The following CACNG4 variants were observed in gnomAD, a reference collection of about 807,000 sequenced individuals.
The protein encoded by CACNG4 is calcium voltage-gated channel auxiliary subunit gamma 4.
A neutral mutation model predicts 22.9 loss-of-function variants in CACNG4; 8 were observed. The ratio of observed to expected loss-of-function variants is 0.35; its 90% CI spans 0.21 to 0.63. The LOEUF (loss-of-function observed/expected upper bound fraction) is 0.63. Among genes scored for constraint, CACNG4 ranks in the 30% least tolerant of loss-of-function variants. CACNG4 has a pLI of 0.72. For synonymous variants in CACNG4, 188 were observed against 191.9 expected (o/e 0.98, Z 0.17); for missense variants, 357 against 455.4 (o/e 0.78, Z 1.97).
intron 3 of CACNG4, among the ~76,000 whole-genome samples, chr17:67,029,921 C>A (rs1313858502): frequency 6.6e-6 from 1 of 152,238 alleles, no homozygotes; most frequent in East Asian, 1.9e-4. Context: ...ACATGTGAGG[C>A]TGTAGACACA....
At chr17:67,021,062 G>A (rs922799918) in intron 2 of CACNG4, among the ~76,000 whole-genome samples, 1 of 152,182 alleles carries the variant, frequency 6.6e-6, no homozygotes, top group Admixed American at 6.5e-5. Context: ...TTAGCCAGAA[G>A]TGATGGCACA....
At chr17:66,992,604 C>T (rs2035347963) in intron 1 of CACNG4, among the ~76,000 whole-genome samples, 1 of 152,186 alleles carries the variant, frequency 6.6e-6, no homozygotes, top group African/African-American at 2.4e-5. Flanking sequence ...CATGTGGGCC[C>T]CTTCGAGGCA....
chr17:67,004,132 A>G (rs1567755674), intron 1 of CACNG4, among the ~76,000 whole-genome samples: 2 of 152,246 alleles, frequency 1.3e-5, no homozygotes, highest in Admixed American at 6.5e-5. Context: ...AAAGAAAGAA[A>G]GAAATGAAGA....
chr17:67,005,113 G>T (rs2035429986), intron 1 of CACNG4, among the ~76,000 whole-genome samples: 1 of 152,194 alleles, frequency 6.6e-6, no homozygotes, highest in Admixed American at 6.5e-5. Context: ...GAAAGAGGCA[G>T]GAGCCTCCAT....
At chr17:66,965,677 T>C (rs2035165439) in intron 1 of CACNG4, among the ~76,000 whole-genome samples, 1 of 132,694 alleles carries the variant, frequency 7.5e-6, no homozygotes, top group African/African-American at 2.9e-5. Flanking sequence ...GGGCGCTTTC[T>C]ACAGGCTCGG....
chr17:66,965,530 G>T (rs2035164101), intron 1 of CACNG4, among the ~76,000 whole-genome samples: 1 of 151,130 alleles, frequency 6.6e-6, no homozygotes, highest in South Asian at 2.1e-4. Flanking sequence ...TGGCGAGGGG[G>T]CGGGAGGAGG....
At chr17:67,022,227 A>G (rs1002951543) in intron 2 of CACNG4, among the ~76,000 whole-genome samples, 3 of 152,122 alleles carry the variant, frequency 2.0e-5, no homozygotes, top group Non-Finnish European at 4.4e-5. Flanking sequence ...GGCACTCGCC[A>G]CTATACCCAG....
In CACNG4 at chr17:67,030,752, G is replaced by C. The variant is rs780374055; in HGVS notation, c.732G>C (p.Arg244Ser). The C allele has an allele frequency of 1.9e-6, 3 of 1,614,194 alleles. No individual in the cohort carries two copies. The South Asian group carries it at 3.3e-5, about 18-fold the overall frequency. The change falls in exon 4 of 4, where the codon AGG becomes AGC. Residue 244 changes from arginine (R) to serine (S), a missense_variant. Transcript: ENST00000262138. This position sits in a 1 kb window ranked among gnomAD's most constrained non-coding sequence, Gnocchi z 6.4. Reference protein sequence around the residue: ...PSYRYRRRRSRSSSRSTEASP... With the variant: ...PSYRYRRRRSSSSSRSTEASP... Reference sequence around the variant, plus strand: ...ACAGGTACCGGCGACGGCGCTCGAGGTCCAGCTCAAGGTCCACCGAGGCCT... The same window carrying C: ...ACAGGTACCGGCGACGGCGCTCGAGCTCCAGCTCAAGGTCCACCGAGGCCT...
intron 1 of CACNG4, among the ~76,000 whole-genome samples, chr17:66,993,024 C>T (rs2035350848): frequency 6.6e-6 from 1 of 152,268 alleles, no homozygotes. Context: ...GTGTCTACAG[C>T]AGCTGGCCCG....
chr17:67,029,354 G>T (rs1186456540), intron 3 of CACNG4, among the ~76,000 whole-genome samples: 1 of 151,374 alleles, frequency 6.6e-6, no homozygotes, highest in Non-Finnish European at 1.5e-5. Context: ...AAACGAGGCC[G>T]GGTGTGGTGG....
intron 1 of CACNG4, among the ~76,000 whole-genome samples, chr17:67,017,833 A>G (rs1248942766): frequency 6.6e-6 from 1 of 151,908 alleles, no homozygotes; most frequent in Non-Finnish European, 1.5e-5. Flanking sequence ...TATTTTTTTC[A>G]AGATGCGGCT....
At chr17:67,006,702 C>T (rs959404382) in intron 1 of CACNG4, among the ~76,000 whole-genome samples, 1 of 152,192 alleles carries the variant, frequency 6.6e-6, no homozygotes, top group African/African-American at 2.4e-5. Flanking sequence ...CTCACCTCCC[C>T]AGCTAGGTCA....
At chr17:66,992,163 G>A (rs368283631) in intron 1 of CACNG4, among the ~76,000 whole-genome samples, 3 of 134,940 alleles carry the variant, frequency 2.2e-5, no homozygotes, top group Non-Finnish European at 4.6e-5. Context: ...AAGCTCCTGG[G>A]GGGGGGGGGC....
In CACNG4 at chr17:67,032,396, AATTGTTTCT is replaced by A; in HGVS notation, c.*1393_*1401del. On this transcript the variant is annotated 3_prime_UTR_variant, in exon 4 of 4. Transcript: ENST00000262138. The stretch of plus-strand genomic sequence containing the variant: ...ATAAAACATGTGCTTTCTAAAGAAA[AATTGTTTCT>A]TATTTTTTGAGACTCCTTGATCCAC... The A allele has an allele frequency of 5.1e-6, 1 of 196,286 alleles. No individual in the cohort carries two copies. Among genetic ancestry groups the A allele is most frequent in the East Asian group, 1.3e-4 (1 of 7,656 alleles). 12.2% of individuals were successfully genotyped at this position (196,286 alleles called of 1,614,324 possible).
chr17:67,029,153 G>A (rs2035585860), intron 3 of CACNG4, among the ~76,000 whole-genome samples: 1 of 151,848 alleles, frequency 6.6e-6, no homozygotes, highest in African/African-American at 2.4e-5. Flanking sequence ...GCCACATGGT[G>A]AAACCCTGTC....
In CACNG4 at chr17:67,013,803, CA is replaced by C. The variant is rs35707136; in HGVS notation, c.221-4374del. On this transcript the variant is annotated intron_variant, in intron 1 of 3. Transcript: ENST00000262138. The stretch of plus-strand genomic sequence containing the variant: ...CTGGGTCACAGAGTGAGACTTGTCT[CA>C]AAAAAAAAAAAGAAATATTCTTTTA... Among the ~76,000 whole-genome samples, 133 of 140,768 alleles carry C rather than the reference CA, an allele frequency of 9.4e-4. 1 individual carries two copies. Among genetic ancestry groups the C allele is most frequent in the South Asian group, 4.5e-3 (20 of 4,412 alleles). The allele number at this position is 140,768 out of a possible 152,430, so 92.3% of individuals were successfully genotyped here.
intron 1 of CACNG4, among the ~76,000 whole-genome samples, chr17:66,990,840 C>A (rs1222275919): frequency 6.6e-6 from 1 of 151,864 alleles, no homozygotes; most frequent in African/African-American, 2.4e-5. Flanking sequence ...GCCACCATGC[C>A]CGGCTAATTT....
At chr17:67,002,916 A>G (rs745985308) in intron 1 of CACNG4, among the ~76,000 whole-genome samples, 3 of 152,198 alleles carry the variant, frequency 2.0e-5, no homozygotes, top group Non-Finnish European at 4.4e-5. Flanking sequence ...TTATTAGTCC[A>G]TTAGTCATGA....
At position 67,024,787 on chromosome 17, in the gene CACNG4, C is replaced by T. The variant is rs575927598; in HGVS notation, c.305-73C>T. On this transcript the variant is annotated intron_variant, in intron 2 of 3. Coordinates refer to ENST00000262138, the MANE Select transcript of CACNG4 (RefSeq NM_014405.4). ...CTGGAGCTGCAAGGTTCCTGGGAGA[C>T]ATACGCAGCCATGCCCGGGAGGGCA... 7.2e-6 allele frequency: 10 copies of T among 1,392,100 alleles called. No individual in the cohort carries two copies. The East Asian group carries it at 1.9e-4, about 26-fold the overall frequency. The allele number at this position is 1,392,100 out of a possible 1,614,324, so 86.2% of individuals were successfully genotyped here.
Sources: allele counts gnomAD v4.1 joint callset (sites outside exome capture counted in the v4.1 genomes callset), GRCh38; gene constraint gnomAD v4.1.1; non-coding constraint Gnocchi (gnomAD v3.1); transcripts MANE v1.5; gene names NCBI Gene and HGNC (gene_info 2026-07-23, HGNC 2026-07-21).